Variants in BEND7 observed in about 807,000 individuals in gnomAD.
The protein encoded by BEND7 is BEN domain containing 7.
Under a neutral mutation model 50.9 loss-of-function variants are expected in BEND7, and 28 were observed. That is an observed-to-expected ratio of 0.55 (90% CI 0.41 to 0.75). The LOEUF is 0.75. BEND7 is among the 30% of genes least tolerant of loss of function. The pLI is 0.00. For missense variants in BEND7, 477 were observed against 491.3 expected, an observed-to-expected ratio of 0.97 and a Z score of 0.28; for synonymous variants, 170 against 183.9, an observed-to-expected ratio of 0.92 and a Z score of 0.61.
rs74122761 is a variant in BEND7 at position 13,474,425 on chromosome 10, T to G, written c.1063+6474A>C. Among the ~76,000 whole-genome samples, 260 of 152,264 alleles carry G rather than the reference T, an allele frequency of 1.7e-3. 1 individual carries two copies. The highest frequency in any genetic ancestry group is 6.0e-3 in the African/African-American group (250 of 41,542). ...CTGATATCTGTCATGACTGTTAGACTCGGGGCCGATATCTGTCATCACTGT... is the reference window on the plus strand; with the variant it reads ...CTGATATCTGTCATGACTGTTAGACGCGGGGCCGATATCTGTCATCACTGT... On this transcript the variant is annotated intron_variant, in intron 6 of 8. Coordinates refer to ENST00000466271, the MANE Select transcript of BEND7 (RefSeq NM_001369863.1).
intron 7 of BEND7, among the ~76,000 whole-genome samples, chr10:13,448,639 TC>T (rs1412569415): frequency 6.6e-6 from 1 of 152,060 alleles, no homozygotes; most frequent in Non-Finnish European, 1.5e-5. Context: ...ACCTGCTAGA[TC>T]CACCACAAAG....
chr10:13,454,569 A>T (rs1164585447), intron 6 of BEND7, among the ~76,000 whole-genome samples: 1 of 147,264 alleles, frequency 6.8e-6, no homozygotes, highest in African/African-American at 2.7e-5. Context: ...GCAGTGAGCT[A>T]TGATTACACC....
At chr10:13,458,316 G>GC (rs1839483162) in intron 6 of BEND7, among the ~76,000 whole-genome samples, 1 of 152,212 alleles carries the variant, frequency 6.6e-6, no homozygotes, top group South Asian at 2.1e-4. Flanking sequence ...TGCTGAACGC[G>GC]CCACTCTGCA....
intron 5 of BEND7, among the ~76,000 whole-genome samples, chr10:13,487,727 A>G (rs1030109034): frequency 1.3e-5 from 2 of 152,054 alleles, no homozygotes; most frequent in Non-Finnish European, 2.9e-5. Context: ...AATTTAAAAA[A>G]TCATTTGCTT....
chr10:13,466,228 A>AT (rs376860540), intron 6 of BEND7, among the ~76,000 whole-genome samples: 14,807 of 140,482 alleles, frequency 0.11, 748 homozygotes, highest in Admixed American at 0.14. Flanking sequence ...CGTTGAATCC[A>AT]TTTTTTTTTT....
intron 2 of BEND7, among the ~76,000 whole-genome samples, chr10:13,504,685 T>C (rs1177073584): frequency 6.6e-6 from 1 of 152,210 alleles, no homozygotes; most frequent in Non-Finnish European, 1.5e-5. Context: ...CCTGTGCATT[T>C]TTCCTGATCT....
At chr10:13,450,709 T>C (rs373783086) in intron 7 of BEND7, among the ~76,000 whole-genome samples, 232 of 151,938 alleles carry the variant, frequency 1.5e-3, no homozygotes, top group African/African-American at 5.4e-3. Context: ...AAAGTTACAA[T>C]GTCCAACATC....
chr10:13,455,620 G>A (rs774008246), intron 6 of BEND7, among the ~76,000 whole-genome samples: 3 of 152,162 alleles, frequency 2.0e-5, no homozygotes, highest in Non-Finnish European at 2.9e-5. Flanking sequence ...AGGATACAGG[G>A]AGAAGGAGGA....
At chr10:13,468,400 T>C (rs757832354) in intron 6 of BEND7, among the ~76,000 whole-genome samples, 5 of 152,000 alleles carry the variant, frequency 3.3e-5, no homozygotes, top group Admixed American at 6.6e-5. Context: ...AATGAACGAG[T>C]GGTGCTTGAG....
downstream of BEND7, among the ~76,000 whole-genome samples, chr10:13,440,626 G>T (rs1835201456): frequency 6.6e-6 from 1 of 152,256 alleles, no homozygotes; most frequent in Non-Finnish European, 1.5e-5. Context: ...GGAGGCGGCG[G>T]GGGGCAGGTG....
chr10:13,489,171 A>G (rs2076467829), intron 5 of BEND7, among the ~76,000 whole-genome samples: 1 of 152,102 alleles, frequency 6.6e-6, no homozygotes, highest in African/African-American at 2.4e-5. Context: ...CATTCTACAG[A>G]GAGAAATGGA....
At chr10:13,469,190 G>A (rs1325059477) in intron 6 of BEND7, among the ~76,000 whole-genome samples, 1 of 152,160 alleles carries the variant, frequency 6.6e-6, no homozygotes, top group Non-Finnish European at 1.5e-5. Context: ...CTAGGGTCGA[G>A]TATAAAAGGG....
Position 13,441,477 on chromosome 10 carries a change from G to A in BEND7, c.*266C>T, listed in dbSNP as rs930291849. 4.8e-5 allele frequency: 63 copies of A among 1,321,770 alleles called. No homozygotes were observed. The East Asian group carries it at 1.1e-3, about 24-fold the overall frequency. The allele number at this position is 1,321,770 out of a possible 1,614,324, so 81.9% of individuals were successfully genotyped here. ...TCTTTGGGTTGAACAAGCTCCACCC[G>A]TCCTCAAGTGCTGAACACCCCAAGC... On this transcript the variant is annotated 3_prime_UTR_variant, in exon 9 of 9. Coordinates refer to ENST00000466271, the MANE Select transcript of BEND7 (RefSeq NM_001369863.1).
intron 2 of BEND7, among the ~76,000 whole-genome samples, chr10:13,506,835 G>C (rs1048834993): frequency 2.6e-5 from 4 of 152,116 alleles, no homozygotes; most frequent in African/African-American, 9.7e-5. Flanking sequence ...GCTGGGGGTG[G>C]AGGCGGGAAG....
intron 2 of BEND7, among the ~76,000 whole-genome samples, chr10:13,502,429 T>C (rs1036644525): frequency 6.6e-6 from 1 of 152,200 alleles, no homozygotes; most frequent in Non-Finnish European, 1.5e-5. Context: ...TATTTCTACT[T>C]CAAACCCCTG....
chr10:13,484,257 C>G (rs1395957230), intron 5 of BEND7, among the ~76,000 whole-genome samples: 2 of 152,182 alleles, frequency 1.3e-5, no homozygotes, highest in African/African-American at 4.8e-5. Context: ...TCTACGTGTG[C>G]CAGGTGCCGC....
rs151243848 is a variant in BEND7, at chr10:13,471,310, C to T, written c.1063+9589G>A. On this transcript the variant is annotated intron_variant, in intron 6 of 8. Transcript: ENST00000466271. Reference sequence around the variant, plus strand: ...ATGATTTCTAGGTTTATAATATCAACGAAAATACTGCAAAGATTCTGGTGT... The same window carrying T: ...ATGATTTCTAGGTTTATAATATCAATGAAAATACTGCAAAGATTCTGGTGT... 2.3e-3 allele frequency among the ~76,000 whole-genome samples: 350 copies of T among 152,252 alleles called. 1 individual carries two copies. The highest frequency in any genetic ancestry group is 8.1e-3 in the African/African-American group (337 of 41,548).
Position 13,474,010 on chromosome 10 carries a change from T to C in BEND7, c.1063+6889A>G, listed in dbSNP as rs545245524. On this transcript the variant is annotated intron_variant, in intron 6 of 8. Transcript: ENST00000466271. ...TTAGACTCAGGGCTGATATCTGTCA[T>C]TGCTGTTAAACTCGGGGCTGATATC... 2.6e-5 allele frequency among the ~76,000 whole-genome samples: 4 copies of C among 152,072 alleles called. No homozygotes were observed. In the South Asian group the frequency reaches 6.2e-4, roughly 24 times the overall value.
At chr10:13,489,178 T>TG (rs2076468205) in intron 5 of BEND7, among the ~76,000 whole-genome samples, 1 of 151,974 alleles carries the variant, frequency 6.6e-6, no homozygotes, top group Non-Finnish European at 1.5e-5. Context: ...CAGAGAGAAA[T>TG]GGAGTGGGGA....
Sources: allele counts gnomAD v4.1 joint callset (sites outside exome capture counted in the v4.1 genomes callset), GRCh38; gene constraint gnomAD v4.1.1; transcripts MANE v1.5; gene names NCBI Gene and HGNC (gene_info 2026-07-23, HGNC 2026-07-21).